PHLPP1: variants seen among roughly 807,000 people sequenced by gnomAD.
The protein encoded by PHLPP1 is PH domain leucine-rich repeat-containing protein phosphatase 1.
Under a neutral mutation model 117.2 loss-of-function variants are expected in PHLPP1, and 42 were observed. The ratio of observed to expected loss-of-function variants is 0.36; its 90% CI spans 0.28 to 0.46. PHLPP1 has a LOEUF of 0.46. Ranked by LOEUF, PHLPP1 falls within the 20% of genes least tolerant of loss-of-function variation. The pLI is 1.00. For missense variants in PHLPP1, 2,084 were observed against 2,241.9 expected (o/e 0.93, Z 1.42); for synonymous variants, 1,042 against 970.7 (o/e 1.07, Z -1.37).
At chr18:62,934,818 T>C (rs1350483799) in intron 10 of PHLPP1, among the ~76,000 whole-genome samples, 1 of 152,200 alleles carries the variant, frequency 6.6e-6, no homozygotes, top group Non-Finnish European at 1.5e-5. Flanking sequence ...GAATTATGAA[T>C]TATATCTCAA....
At chr18:62,774,033 C>T (rs1912876228) in intron 1 of PHLPP1, among the ~76,000 whole-genome samples, 1 of 152,192 alleles carries the variant, frequency 6.6e-6, no homozygotes, top group Non-Finnish European at 1.5e-5. Context: ...TCACTTCTAA[C>T]ACCGTCACAT....
At chr18:62,855,183 T>G (rs1328419529) in intron 3 of PHLPP1, among the ~76,000 whole-genome samples, 1 of 152,248 alleles carries the variant, frequency 6.6e-6, no homozygotes, top group Non-Finnish European at 1.5e-5. Context: ...TGTTAACTAT[T>G]ATTATTGTTA....
At chr18:62,966,816 G>C (rs999015586) in intron 14 of PHLPP1, among the ~76,000 whole-genome samples, 1 of 152,138 alleles carries the variant, frequency 6.6e-6, no homozygotes, top group African/African-American at 2.4e-5. Flanking sequence ...AACCACCACT[G>C]CAGGTTATAG....
intron 4 of PHLPP1, among the ~76,000 whole-genome samples, chr18:62,881,201 A>G (rs1789907858): frequency 1.3e-5 from 2 of 152,292 alleles, no homozygotes; most frequent in Non-Finnish European, 2.9e-5. Flanking sequence ...CTATGATCAC[A>G]CCACTGCACT....
chr18:62,835,773 G>GTTTTTTTTTT (rs1568132510), intron 2 of PHLPP1, among the ~76,000 whole-genome samples: 1 of 137,874 alleles, frequency 7.3e-6, no homozygotes, highest in Non-Finnish European at 1.6e-5. Flanking sequence ...AATTCAACTG[G>GTTTTTTTTTT]TTCTTTTTTT....
chr18:62,896,369 G>T (rs1311193697), intron 6 of PHLPP1, among the ~76,000 whole-genome samples: 1 of 148,920 alleles, frequency 6.7e-6, no homozygotes, highest in East Asian at 2.0e-4. Context: ...TCGGCTTACT[G>T]CAAGCTCCGC....
At chr18:62,941,963 A>G in intron 11 of PHLPP1, 45 bp downstream of exon 11, 1 of 1,462,652 alleles carries the variant, frequency 6.8e-7, no homozygotes, top group Non-Finnish European at 9.5e-7. Context: ...CATTTCTCAA[A>G]GTGTATTCAT....
In PHLPP1 at chr18:62,896,023, T is replaced by A. The variant is rs754187509; in HGVS notation, c.2444+12T>A. ...CATGTGGATCTAAGGTAACCATTTT[T>A]GAGAAATAGATCTCATTTGAGTGGC... On this transcript the variant is annotated intron_variant, in intron 6 of 16. Coordinates refer to ENST00000262719, the MANE Select transcript of PHLPP1 (RefSeq NM_194449.4). The A allele has an allele frequency of 6.6e-7, 1 of 1,520,638 alleles. No individual in the cohort carries two copies. The highest frequency in any genetic ancestry group is 1.1e-5 in the South Asian group (1 of 88,476). 94.2% of individuals were successfully genotyped at this position (1,520,638 alleles called of 1,614,324 possible). A position where few individuals can be genotyped will look rare whatever the true frequency, so the allele number is the denominator to read the frequency against.
rs781699942 is a variant in PHLPP1 at position 62,958,680 on chromosome 18, C to G, written c.3376C>G (p.Leu1126Val). 2 of 1,613,964 alleles carry G rather than the reference C, an allele frequency of 1.2e-6. No homozygotes were observed. Among genetic ancestry groups the G allele is most frequent in the African/African-American group, 1.3e-5 (1 of 75,040 alleles). The part of the protein sequence containing the change: ...ELSEVTLPEN[L>V]PPKLQELDLT... ...AAGTGAAGTCACATTACCAGAAAAC[C>G]TGCCTCCCAAACTGCAGGAGCTAGA... The change falls in exon 13 of 17, where the codon CTG (leucine) becomes GTG (valine). Residue 1126 changes from leucine (L) to valine (V), a missense_variant. By Grantham distance (32) the Leu-to-Val change is conservative. Transcript: ENST00000262719.
At chr18:62,828,780 A>G (rs982386441) in intron 1 of PHLPP1, among the ~76,000 whole-genome samples, 1 of 152,100 alleles carries the variant, frequency 6.6e-6, no homozygotes, top group Non-Finnish European at 1.5e-5. Context: ...TCTTGAACCT[A>G]TTTCTTTTGC....
chr18:62,944,604 A>G (rs1007995614), intron 11 of PHLPP1, among the ~76,000 whole-genome samples: 3 of 152,158 alleles, frequency 2.0e-5, no homozygotes, highest in Non-Finnish European at 2.9e-5. Flanking sequence ...CTTTGTATTC[A>G]TCAGTGATGT....
rs754594480 is a variant in PHLPP1, at chr18:62,830,095, G to A, written c.1637G>A (p.Arg546His). The change falls in exon 2 of 17, where the codon CGT becomes CAT. Residue 546 changes from arginine (R) to histidine (H), a missense_variant. By Grantham distance (29) the Arg-to-His change is conservative. Coordinates refer to ENST00000262719, the MANE Select transcript of PHLPP1 (RefSeq NM_194449.4). Reference sequence around the variant, plus strand: ...CAGCTCTCAGGAATGTATAATGTCCGTAAAGGCAAGATGCAGTTGCCAGTG... The same window carrying A: ...CAGCTCTCAGGAATGTATAATGTCCATAAAGGCAAGATGCAGTTGCCAGTG... ...RIQLSGMYNVRKGKMQLPVNR... is the reference protein window; with the variant it reads ...RIQLSGMYNVHKGKMQLPVNR... 3.7e-6 allele frequency: 6 copies of A among 1,613,352 alleles called. No individual in the cohort carries two copies. Among genetic ancestry groups the A allele is most frequent in the South Asian group, 2.2e-5 (2 of 90,932 alleles).
At chr18:62,725,608 TTCTC>T (rs35475713) in intron 1 of PHLPP1, among the ~76,000 whole-genome samples, 5,272 of 152,124 alleles carry the variant, frequency 0.035, 137 homozygotes, top group Middle Eastern at 0.061. Flanking sequence ...TTTGAATACT[TTCTC>T]TCTCTCTTTC....
At chr18:62,801,453 TGTTA>T (rs1044974409) in intron 1 of PHLPP1, among the ~76,000 whole-genome samples, 2 of 151,554 alleles carry the variant, frequency 1.3e-5, no homozygotes, top group Admixed American at 6.6e-5. Context: ...AAGCAGAAAT[TGTTA>T]GTTAGTATAT....
chr18:62,964,152 C>T lies in PHLPP1; in HGVS notation c.3560+680C>T, dbSNP rs116888935. ...AGGTAAAGAATCCTGTAAATTAGAA[C>T]GGCCATAATTTAATTAGCTGAAGTA... On this transcript the variant is annotated intron_variant, in intron 14 of 16. Coordinates refer to ENST00000262719, the MANE Select transcript of PHLPP1 (RefSeq NM_194449.4). Among the ~76,000 whole-genome samples the T allele has an allele frequency of 8.8e-3, 1,332 of 151,914 alleles. 7 individuals carry two copies. The highest frequency in any genetic ancestry group is 0.014 in the Non-Finnish European group (934 of 67,980).
At chr18:62,896,554 CA>C (rs1296273654) in intron 6 of PHLPP1, among the ~76,000 whole-genome samples, 2 of 152,126 alleles carry the variant, frequency 1.3e-5, no homozygotes, top group African/African-American at 4.8e-5. Context: ...CTCGGCCTCC[CA>C]AAGTGCTGGG....
At chr18:62,958,878 A>AGT in intron 13 of PHLPP1, 119 bp downstream of exon 13, 4 of 1,099,178 alleles carry the variant, frequency 3.6e-6, no homozygotes, top group Non-Finnish European at 5.3e-6. Flanking sequence ...GTGTTAACAC[A>AGT]CACAACAGGA....
intron 3 of PHLPP1, among the ~76,000 whole-genome samples, chr18:62,850,706 G>C (rs763853127): frequency 1.3e-5 from 2 of 152,170 alleles, no homozygotes; most frequent in East Asian, 3.8e-4. Flanking sequence ...GGGTTTGTGT[G>C]TGTGGAAGGG....
At chr18:62,836,468 T>C (rs1914902867) in intron 2 of PHLPP1, among the ~76,000 whole-genome samples, 1 of 144,434 alleles carries the variant, frequency 6.9e-6, no homozygotes, top group Admixed American at 6.9e-5. Context: ...AATAAATAAA[T>C]AAATAAATAA....
Sources: allele counts gnomAD v4.1 joint callset (sites outside exome capture counted in the v4.1 genomes callset), GRCh38; gene constraint gnomAD v4.1.1; transcripts MANE v1.5; gene names NCBI Gene and HGNC (gene_info 2026-07-23, HGNC 2026-07-21).